The following BCLAF3 variants were observed in gnomAD, a reference collection of about 807,000 sequenced individuals.
BCLAF3 encodes transient octamer binding factor 1.
A neutral mutation model predicts 51.2 loss-of-function variants in BCLAF3; 24 were observed. The ratio of observed to expected loss-of-function variants is 0.47; its 90% CI spans 0.34 to 0.66. The LOEUF (loss-of-function observed/expected upper bound fraction) is 0.66, where lower values mean the gene tolerates loss of function less well. BCLAF3 is among the 30% of genes least tolerant of loss of function. BCLAF3 has a pLI of 0.01. For synonymous variants in BCLAF3, 152 were observed against 176.6 expected, an observed-to-expected ratio of 0.86 and a Z score of 1.10; for missense variants, 465 against 525.1, an observed-to-expected ratio of 0.89 and a Z score of 1.12.
intron 1 of BCLAF3, among the ~76,000 whole-genome samples, chrX:19,987,380 C>T (rs1348033257): frequency 2.7e-5 from 3 of 112,319 alleles, no homozygotes; most frequent in African/African-American, 9.7e-5. Flanking sequence ...TCTCGACTCA[C>T]TGCAACCTCC....
At chrX:19,969,092 G>A (rs1012140594) in intron 2 of BCLAF3, among the ~76,000 whole-genome samples, 5 of 111,482 alleles carry the variant, frequency 4.5e-5, no homozygotes, top group Admixed American at 9.5e-5. Context: ...CAGCCTGGGC[G>A]ACAGAGCGAG....
At chrX:19,958,596 A>G (rs940525653) in intron 4 of BCLAF3, among the ~76,000 whole-genome samples, 3 of 112,189 alleles carry the variant, frequency 2.7e-5, no homozygotes, top group African/African-American at 9.7e-5. Flanking sequence ...ATACACGAAT[A>G]GTTACTGATG....
At chrX:19,976,476 C>T (rs998526126) in intron 1 of BCLAF3, among the ~76,000 whole-genome samples, 4 of 111,111 alleles carry the variant, frequency 3.6e-5, no homozygotes, top group Non-Finnish European at 5.7e-5. Flanking sequence ...CTGCAGCCTC[C>T]GCCTCTCGGG....
intron 2 of BCLAF3, among the ~76,000 whole-genome samples, chrX:19,967,488 C>T (rs1010224641): frequency 3.6e-5 from 4 of 111,800 alleles, no homozygotes; most frequent in African/African-American, 1.3e-4. Flanking sequence ...TTCTCCATAC[C>T]TCAGCATTGC....
intron 11 of BCLAF3, among the ~76,000 whole-genome samples, chrX:19,920,686 T>C (rs1400622691): frequency 9.1e-6 from 1 of 109,718 alleles, no homozygotes; most frequent in Admixed American, 9.8e-5. Flanking sequence ...CCGGATGTGG[T>C]GGCACACATC....
Position 19,915,842 on chromosome X carries a change from T to C in BCLAF3, c.*1463A>G, listed in dbSNP as rs2069925858. The stretch of plus-strand genomic sequence containing the variant: ...ATAAGTACCTAACACAATATAAAGT[T>C]GCCATACTACCTGTGTGCATGCATT... On this transcript the variant is annotated 3_prime_UTR_variant, in exon 12 of 12. Transcript: ENST00000379682. The C allele has an allele frequency of 8.9e-6, 1 of 112,081 alleles. No individual in the cohort carries two copies. The highest frequency in any genetic ancestry group is 1.9e-5 in the Non-Finnish European group (1 of 53,161). The allele number at this position is 112,081 out of a possible 1,213,427, so 9.2% of individuals were successfully genotyped here. A position where few individuals can be genotyped will look rare whatever the true frequency, so the allele number is the denominator to read the frequency against.
Position 19,939,505 on chromosome X carries a change from T to C in BCLAF3, c.1746-1973A>G, listed in dbSNP as rs752863933. 5.4e-5 allele frequency among the ~76,000 whole-genome samples: 6 copies of C among 111,727 alleles called. No homozygotes were observed. In the South Asian group the frequency reaches 1.8e-3, roughly 34 times the overall value. On this transcript the variant is annotated intron_variant, in intron 8 of 11. Transcript: ENST00000379682. ...GACATACCAATGGCCAATAAGCACA[T>C]AGAAAGATGCTCAACATCATTAGTC... is the stretch of plus-strand genomic sequence containing the variant.
chrX:19,984,664 T>G (rs775034165), intron 1 of BCLAF3, among the ~76,000 whole-genome samples: 3 of 111,606 alleles, frequency 2.7e-5, no homozygotes, highest in African/African-American at 9.8e-5. Flanking sequence ...AAGCAACTCC[T>G]GGGTATTTTA....
intron 2 of BCLAF3, among the ~76,000 whole-genome samples, chrX:19,968,221 CA>C (rs1302678674): frequency 8.9e-6 from 1 of 112,604 alleles, no homozygotes; most frequent in African/African-American, 3.2e-5. Flanking sequence ...CCTAAAGGAA[CA>C]AAAAAGACTC....
At position 19,952,936 on chromosome X, in the gene BCLAF3, G is replaced by A. The variant is rs1165622017; in HGVS notation, c.1629+52C>T. The A allele has an allele frequency of 2.9e-5, 30 of 1,019,554 alleles. No homozygotes were observed. In the East Asian group the frequency reaches 3.8e-4, roughly 13 times the overall value. 84.0% of individuals were successfully genotyped at this position (1,019,554 alleles called of 1,213,427 possible). A position where few individuals can be genotyped will look rare whatever the true frequency, so the allele number is the denominator to read the frequency against. On this transcript the variant is annotated intron_variant, in intron 7 of 11. Coordinates refer to ENST00000379682, the MANE Select transcript of BCLAF3 (RefSeq NM_001367774.2). ...TCTCCCAACCACCAAGCCCCTTGCC[G>A]TTAATATACAAACAATAAGATAATT... is the stretch of plus-strand genomic sequence containing the variant.
At chrX:19,976,076 C>G (rs2071569130) in intron 1 of BCLAF3, among the ~76,000 whole-genome samples, 2 of 111,521 alleles carry the variant, frequency 1.8e-5, no homozygotes, top group South Asian at 3.8e-4. Flanking sequence ...AGCTCACACC[C>G]ATCCCATGCA....
Position 19,953,773 on chromosome X carries a change from AT to A in BCLAF3, c.1565+4del. On this transcript the variant is annotated splice_donor_region_variant and intron_variant, in intron 6 of 11. Transcript: ENST00000379682. ...AATGGGTATAATATGGTAATCAATC[AT>A]TACCTGTGTATTTCTGGATCTGAAT... is the stretch of plus-strand genomic sequence containing the variant. The A allele has an allele frequency of 1.7e-6, 2 of 1,173,893 alleles. No individual in the cohort carries two copies. Among genetic ancestry groups the A allele is most frequent in the Non-Finnish European group, 2.3e-6 (2 of 862,988 alleles).
chrX:19,984,099 A>T (rs1234093856), intron 1 of BCLAF3, among the ~76,000 whole-genome samples: 2 of 104,975 alleles, frequency 1.9e-5, no homozygotes, highest in African/African-American at 7.0e-5. Context: ...AAAAAAAAAG[A>T]CTAGGAATGG....
At chrX:19,968,839 C>T (rs961293318) in intron 2 of BCLAF3, among the ~76,000 whole-genome samples, 17 of 112,462 alleles carry the variant, frequency 1.5e-4, no homozygotes, top group African/African-American at 5.2e-4. Flanking sequence ...GTGGGCCGGG[C>T]GCAGTGGCTC....
At chrX:19,979,178 T>C (rs1049971146) in intron 1 of BCLAF3, among the ~76,000 whole-genome samples, 4 of 110,512 alleles carry the variant, frequency 3.6e-5, no homozygotes, top group Non-Finnish European at 7.6e-5. Flanking sequence ...GAGAATCACT[T>C]GAACCCCCAG....
chrX:19,959,467 A>G lies in BCLAF3; in HGVS notation c.1275-3901T>C, dbSNP rs1350445151. On this transcript the variant is annotated intron_variant, in intron 4 of 11. Transcript: ENST00000379682. ...TGAAATGAGTGTTTCAGCTAGAGAG[A>G]TGATAAGGTCAAGTGCGGTGGCTCA... is the stretch of plus-strand genomic sequence containing the variant. 2.7e-5 allele frequency among the ~76,000 whole-genome samples: 3 copies of G among 111,638 alleles called. No individual in the cohort carries two copies. In the East Asian group the frequency reaches 8.5e-4, roughly 32 times the overall value.
Position 19,965,491 on chromosome X carries a change from T to G in BCLAF3, c.827A>C (p.Lys276Thr). 1 of 1,210,629 alleles carries G rather than the reference T, an allele frequency of 8.3e-7. No individual in the cohort carries two copies. The highest frequency in any genetic ancestry group is 1.1e-6 in the Non-Finnish European group (1 of 895,156). The change falls in exon 4 of 12, where the codon AAA becomes ACA. Residue 276 changes from lysine to threonine, a missense_variant. Transcript: ENST00000379682. Reference sequence around the variant, plus strand: ...TTTGTGACGATAGTCATAGGATACTTTGGTTGCTGAACTGGTCTCTGGGTG... The same window carrying G: ...TTTGTGACGATAGTCATAGGATACTGTGGTTGCTGAACTGGTCTCTGGGTG... ...REHPETSSAT[K>T]VSYDYRHKRP...
intron 1 of BCLAF3, among the ~76,000 whole-genome samples, chrX:19,986,355 C>A: frequency 8.9e-6 from 1 of 111,975 alleles, no homozygotes; most frequent in Admixed American, 9.5e-5. Context: ...AAGCGTCAGG[C>A]CCAGATGGTT....
In BCLAF3 at chrX:19,972,421, T is replaced by C. The variant is rs775242760; in HGVS notation, c.-34-2123A>G. Among the ~76,000 whole-genome samples the C allele has an allele frequency of 2.3e-4, 26 of 112,092 alleles. No homozygotes were observed. The South Asian group carries it at 9.6e-3, about 41-fold the overall frequency. On this transcript the variant is annotated intron_variant, in intron 1 of 11. Transcript: ENST00000379682. ...TTGGGGGCGGGTGGGAACAAAAATA[T>C]TGCTGATGATAATGAGAAAGGAAAA...
Sources: gnomAD v4.1 joint callset for allele counts (sites outside exome capture counted in the v4.1 genomes callset) on GRCh38, gnomAD v4.1.1 for gene constraint, MANE v1.5 for transcripts, NCBI Gene and HGNC (gene_info 2026-07-23, HGNC 2026-07-21) for gene names.